IL27RA: variants seen among roughly 807,000 people sequenced by gnomAD.
The protein encoded by IL27RA is interleukin 27 receptor subunit alpha.
In IL27RA, 61 loss-of-function variants were observed where a neutral mutation model predicts 80.8. The ratio of observed to expected loss-of-function variants is 0.76; its 90% CI spans 0.61 to 0.93. The LOEUF is 0.93. IL27RA is among the 40% of genes least tolerant of loss of function. IL27RA has a pLI of 0.00. For missense variants in IL27RA, 735 were observed against 808.1 expected, an observed-to-expected ratio of 0.91 and a Z score of 1.10; for synonymous variants, 316 against 332.5, an observed-to-expected ratio of 0.95 and a Z score of 0.54.
intron 8 of IL27RA, among the ~76,000 whole-genome samples, chr19:14,047,283 C>A (rs1364011518): frequency 6.7e-6 from 1 of 150,122 alleles, no homozygotes; most frequent in Non-Finnish European, 1.5e-5. Flanking sequence ...CTCCTGACCT[C>A]AAGTGATCTG....
At chr19:14,045,356 G>A (rs1293975384) in intron 6 of IL27RA, among the ~76,000 whole-genome samples, 11 of 151,240 alleles carry the variant, frequency 7.3e-5, no homozygotes, top group Admixed American at 3.3e-4. Context: ...TTGGGAGGCC[G>A]AGACGGGCGG....
Position 14,046,473 on chromosome 19 carries a change from T to A in IL27RA, c.996T>A (p.Ala332=), listed in dbSNP as rs151074111. 24 of 1,613,978 alleles carry A rather than the reference T, an allele frequency of 1.5e-5. No individual in the cohort carries two copies. The highest frequency in any genetic ancestry group is 1.9e-5 in the Non-Finnish European group (23 of 1,180,026). The change falls in exon 8 of 14, where the codon GCT becomes GCA. Residue 332 remains alanine (A), a synonymous_variant. Coordinates refer to ENST00000263379, the MANE Select transcript of IL27RA (RefSeq NM_004843.4). ...APRSVAVSSI[A]GSTELLVTWQ... The stretch of plus-strand genomic sequence containing the variant: ...GTAGCGTGGCAGTCAGCAGCATCGC[T>A]GGGAGCACGGAGCTACTGGTGACCT...
intron 2 of IL27RA, among the ~76,000 whole-genome samples, chr19:14,035,721 G>A (rs539410142): frequency 2.0e-5 from 3 of 152,138 alleles, no homozygotes; most frequent in Admixed American, 6.6e-5. Flanking sequence ...TTGGTACAGG[G>A]AGGGGGAGTC....
intron 10 of IL27RA, 135 bp from the exon 11 acceptor site, chr19:14,050,623 C>G: frequency 2.3e-6 from 2 of 870,562 alleles, no homozygotes; most frequent in Admixed American, 6.0e-5. Context: ...GACCTTTGAG[C>G]AAAGACCTAA....
rs551516209 is a variant in IL27RA, at chr19:14,049,435, A to G, written c.1402+121A>G. The stretch of plus-strand genomic sequence containing the variant: ...CCAGGGACCATACATGGTGTCCTCA[A>G]TTCCCTCTTGGCTATCAATGTAACG... On this transcript the variant is annotated intron_variant, in intron 10 of 13. Transcript: ENST00000263379. 4.8e-5 allele frequency: 44 copies of G among 925,766 alleles called. 1 individual carries two copies. In the South Asian group the frequency reaches 6.0e-4, roughly 13 times the overall value. 57.3% of individuals were successfully genotyped at this position (925,766 alleles called of 1,614,324 possible).
Position 14,031,820 on chromosome 19 carries a change from G to T in IL27RA, c.-53G>T. Reference sequence around the variant, plus strand: ...CCCAGAGCTCGAAGAGGAGCAGCGCGGCCGCGCGGACCCGGCAAGGCTGGG... The same window carrying T: ...CCCAGAGCTCGAAGAGGAGCAGCGCTGCCGCGCGGACCCGGCAAGGCTGGG... On this transcript the variant is annotated 5_prime_UTR_variant, in exon 1 of 14. Transcript: ENST00000263379. 1 of 1,452,088 alleles carries T rather than the reference G, an allele frequency of 6.9e-7. No homozygotes were observed. The highest frequency in any genetic ancestry group is 2.5e-5 in the East Asian group (1 of 40,538). The allele number at this position is 1,452,088 out of a possible 1,614,324, so 90.0% of individuals were successfully genotyped here. A position where few individuals can be genotyped will look rare whatever the true frequency, so the allele number is the denominator to read the frequency against.
At position 14,046,198 on chromosome 19, in the gene IL27RA, G is replaced by T. The variant is rs1976062143; in HGVS notation, c.813G>T (p.Trp271Cys). Reference protein sequence around the residue: ...CVQVSYKVWFWVGGRELSPEG... With the variant: ...CVQVSYKVWFCVGGRELSPEG... Reference sequence around the variant, plus strand: ...AGGTGAGCTACAAAGTCTGGTTCTGGGTTGGAGGTCGTGAGCTGAGTCCAG... The same window carrying T: ...AGGTGAGCTACAAAGTCTGGTTCTGTGTTGGAGGTCGTGAGCTGAGTCCAG... The change falls in exon 7 of 14, where the codon TGG (tryptophan) becomes TGT (cysteine). Residue 271 changes from tryptophan (W) to cysteine (C), a missense_variant. Trp to Cys is a radical substitution (Grantham distance 215, BLOSUM62 -2). Coordinates refer to ENST00000263379, the MANE Select transcript of IL27RA (RefSeq NM_004843.4). 2 of 1,614,110 alleles carry T rather than the reference G, an allele frequency of 1.2e-6. No individual in the cohort carries two copies. Among genetic ancestry groups the T allele is most frequent in the Admixed American group, 3.3e-5 (2 of 60,000 alleles).
intron 9 of IL27RA, 23 bp downstream of exon 9, chr19:14,049,105 G>C (rs964603267): frequency 2.5e-6 from 4 of 1,612,658 alleles, no homozygotes; most frequent in Non-Finnish European, 3.4e-6. Flanking sequence ...CTGGAGGATG[G>C]GGGGGCTTCT....
At position 14,049,002 on chromosome 19, in the gene IL27RA, C is replaced by G; in HGVS notation, c.1163C>G (p.Pro388Arg). ...LLPGNFTVGV[P>R]YRITVTAVSA... is the part of the protein sequence containing the mutation. ...TCAGGGAATTTCACTGTCGGGGTCC[C>G]CTATCGAATCACTGTGACCGCAGTC... Residue 388 changes from proline (P) to arginine (R), a missense_variant, in exon 9 of 14, where the codon CCC becomes CGC. Pro to Arg is a moderately radical substitution (Grantham distance 103). Coordinates refer to ENST00000263379, the MANE Select transcript of IL27RA (RefSeq NM_004843.4). 1 of 1,614,032 alleles carries G rather than the reference C, an allele frequency of 6.2e-7. No homozygotes were observed. Among genetic ancestry groups the G allele is most frequent in the African/African-American group, 1.3e-5 (1 of 75,042 alleles).
intron 2 of IL27RA, among the ~76,000 whole-genome samples, chr19:14,038,135 C>T (rs1027150339): frequency 8.6e-5 from 13 of 151,750 alleles, no homozygotes; most frequent in Non-Finnish European, 1.8e-4. Context: ...TGGCCTGTCT[C>T]TCTCTTTCTA....
In IL27RA at chr19:14,031,762, G is replaced by T. The variant is rs531684273; in HGVS notation, c.-111G>T. The T allele has an allele frequency of 6.7e-5, 58 of 860,226 alleles. No individual in the cohort carries two copies. The African/African-American group carries it at 8.8e-4, about 13-fold the overall frequency. 53.3% of individuals were successfully genotyped at this position (860,226 alleles called of 1,614,324 possible). ...GGTGCGGAGGCGGCCTGCCGGGGTG[G>T]TTCGGCTTCCCGTTGCCGCCTCGGG... is the stretch of plus-strand genomic sequence containing the variant. On this transcript the variant is annotated 5_prime_UTR_variant, in exon 1 of 14. Coordinates refer to ENST00000263379, the MANE Select transcript of IL27RA (RefSeq NM_004843.4).
intron 2 of IL27RA, among the ~76,000 whole-genome samples, chr19:14,034,952 CAAAA>C (rs71170590): frequency 7.0e-6 from 1 of 143,468 alleles, no homozygotes. Flanking sequence ...GACTCCGTCT[CAAAA>C]AAAAAAAAAA....
chr19:14,051,822 C>T, intron 12 of IL27RA, 58 bp from the exon 13 acceptor site: 3 of 1,470,596 alleles, frequency 2.0e-6, no homozygotes, highest in Non-Finnish European at 2.8e-6. Context: ...ACCCTGCACC[C>T]TGGGCTGGGG....
chr19:14,035,582 A>G (rs905117273), intron 2 of IL27RA, among the ~76,000 whole-genome samples: 2 of 151,584 alleles, frequency 1.3e-5, no homozygotes, highest in Admixed American at 6.6e-5. Flanking sequence ...TTTAGTAGAG[A>G]TGGGGTTTCT....
intron 6 of IL27RA, among the ~76,000 whole-genome samples, chr19:14,044,019 G>C (rs1442623136): frequency 7.0e-6 from 1 of 143,100 alleles, no homozygotes; most frequent in Non-Finnish European, 1.5e-5. Context: ...CTGCACTCCA[G>C]TCTGGGCAAC....
chr19:14,050,789 T>A lies in IL27RA; in HGVS notation c.1434T>A (p.Pro478=). Residue 478 remains proline (P), a synonymous_variant, in exon 11 of 14, where the codon CCT becomes CCA. Transcript: ENST00000263379. ...GCAACACACAGAGTGTCACCCTGCC[T>A]GACCTTCCTTGGGGTCCCTGTGAGC... ...VSGNTQSVTL[P]DLPWGPCELW... is the part of the protein sequence containing the mutation. The A allele has an allele frequency of 6.2e-7, 1 of 1,613,462 alleles. No homozygotes were observed. The highest frequency in any genetic ancestry group is 8.5e-7 in the Non-Finnish European group (1 of 1,179,498).
At chr19:14,032,365 A>T (rs1235448191) in intron 1 of IL27RA, 21 bp from the exon 2 acceptor site, 1 of 1,588,860 alleles carries the variant, frequency 6.3e-7, no homozygotes, top group Non-Finnish European at 8.6e-7. Flanking sequence ...CTTTCCTGAG[A>T]CCCTCTGACT....
chr19:14,052,437 A>T lies in IL27RA; in HGVS notation c.*147A>T. 4.8e-6 allele frequency: 3 copies of T among 626,408 alleles called. No individual in the cohort carries two copies. The highest frequency in any genetic ancestry group is 7.7e-6 in the Non-Finnish European group (3 of 389,742). 38.8% of individuals were successfully genotyped at this position (626,408 alleles called of 1,614,324 possible). A position where few individuals can be genotyped will look rare whatever the true frequency, so the allele number is the denominator to read the frequency against. Reference sequence around the variant, plus strand: ...CTTACCTGAGGACACCCAGCCAGGCAGAGCTGGGATTGAAGGACCCCTATA... The same window carrying T: ...CTTACCTGAGGACACCCAGCCAGGCTGAGCTGGGATTGAAGGACCCCTATA... On this transcript the variant is annotated 3_prime_UTR_variant, in exon 14 of 14. Coordinates refer to ENST00000263379, the MANE Select transcript of IL27RA (RefSeq NM_004843.4).
At chr19:14,051,547 T>C in intron 11 of IL27RA, 60 bp from the exon 12 acceptor site, 1 of 1,018,090 alleles carries the variant, frequency 9.8e-7, no homozygotes, top group South Asian at 2.5e-5. Context: ...GTCTCAAAAA[T>C]AAAAATAAAA....
Sources: gnomAD v4.1 joint callset for allele counts (sites outside exome capture counted in the v4.1 genomes callset) on GRCh38, gnomAD v4.1.1 for gene constraint, MANE v1.5 for transcripts, NCBI Gene and HGNC (gene_info 2026-07-23, HGNC 2026-07-21) for gene names.